DNAH7: variants seen among roughly 807,000 people sequenced by gnomAD.
DNAH7 encodes dynein axonemal heavy chain 7.
DNAH7 carries 397 observed loss-of-function variants against 444.6 expected under a neutral mutation model. The observed-to-expected ratio is 0.89, with a 90% CI of 0.82 to 0.97. The LOEUF (loss-of-function observed/expected upper bound fraction) is 0.97, where lower values mean the gene tolerates loss of function less well. DNAH7 is among the 50% of genes least tolerant of loss of function. The pLI is 0.00. For synonymous variants in DNAH7, 1,636 were observed against 1,624.4 expected (o/e 1.01, Z -0.17); for missense variants, 4,902 against 4,800.8 (o/e 1.02, Z -0.62).
intron 57 of DNAH7, 21 bp downstream of exon 57, chr2:195,794,317 C>G (rs75176325): frequency 0.02 from 32,608 of 1,613,514 alleles, 415 homozygotes; most frequent in Non-Finnish European, 0.025. Flanking sequence ...GCCGAGGTAA[C>G]AAGACTTAAC....
intron 5 of DNAH7, among the ~76,000 whole-genome samples, chr2:196,045,306 G>A (rs10195583): frequency 1.4e-5 from 2 of 146,898 alleles, no homozygotes; most frequent in African/African-American, 2.5e-5. Flanking sequence ...AAAGAAAAAA[G>A]AAAAAAAAGA....
intron 51 of DNAH7, among the ~76,000 whole-genome samples, chr2:195,810,161 G>A (rs1696896761): frequency 6.6e-6 from 1 of 151,884 alleles, no homozygotes; most frequent in Non-Finnish European, 1.5e-5. Flanking sequence ...AAAGTTTACA[G>A]ACTGTTTTTA....
At chr2:195,914,759 G>A (rs931169354) in intron 24 of DNAH7, among the ~76,000 whole-genome samples, 1 of 152,276 alleles carries the variant, frequency 6.6e-6, no homozygotes, top group East Asian at 1.9e-4. Context: ...TGCCTCCTGA[G>A]CTCAAGTGAT....
At chr2:195,919,844 G>A (rs1278579005) in intron 24 of DNAH7, among the ~76,000 whole-genome samples, 1 of 152,128 alleles carries the variant, frequency 6.6e-6, no homozygotes, top group East Asian at 1.9e-4. Context: ...GTGAATTTGG[G>A]AGGTAAAATG....
At position 195,872,370 on chromosome 2, in the gene DNAH7, T is replaced by A; in HGVS notation, c.6513A>T (p.Pro2171=). The A allele has an allele frequency of 6.2e-7, 1 of 1,613,980 alleles. No individual in the cohort carries two copies. The highest frequency in any genetic ancestry group is 8.5e-7 in the Non-Finnish European group (1 of 1,179,878). ...GGTTGAACAAGTAGTGAGATTTAGC[T>A]GGAGTAGGCAAGAGATTCTTCATTG... ...KEAMKNLLPT[P]AKSHYLFNLR... is the part of the protein sequence containing the mutation. The change falls in exon 40 of 65, where the codon CCA becomes CCT. Residue 2171 remains proline, a synonymous_variant. Transcript: ENST00000312428.
intron 62 of DNAH7, 100 bp from the exon 63 acceptor site, chr2:195,754,614 G>A: frequency 4.1e-6 from 5 of 1,222,318 alleles, no homozygotes; most frequent in Middle Eastern, 2.9e-4. Flanking sequence ...GGGCTCAGGT[G>A]ATCCTCTCAC....
intron 12 of DNAH7, 126 bp from the exon 13 acceptor site, chr2:195,988,355 T>A: frequency 1.2e-6 from 1 of 816,288 alleles, no homozygotes; most frequent in Non-Finnish European, 1.8e-6. Flanking sequence ...TTTAACTGTT[T>A]AACCTCTAAT....
chr2:196,064,744 T>C (rs1456626067), intron 1 of DNAH7, among the ~76,000 whole-genome samples: 1 of 152,238 alleles, frequency 6.6e-6, no homozygotes, highest in Non-Finnish European at 1.5e-5. Context: ...TTTTGAAATG[T>C]ATCCCCATTA....
chr2:195,776,533 G>T (rs529196403), intron 59 of DNAH7, among the ~76,000 whole-genome samples: 1 of 152,118 alleles, frequency 6.6e-6, no homozygotes, highest in Admixed American at 6.5e-5. Flanking sequence ...TTAATGGGGG[G>T]GAGGGGAATC....
chr2:196,056,844 A>T (rs1255710643), intron 2 of DNAH7, among the ~76,000 whole-genome samples: 1 of 152,240 alleles, frequency 6.6e-6, no homozygotes, highest in Non-Finnish European at 1.5e-5. Context: ...GGCTAGGAAA[A>T]CATGTAAGTC....
intron 3 of DNAH7, among the ~76,000 whole-genome samples, chr2:196,049,768 C>A (rs746790784): frequency 4.6e-5 from 7 of 152,108 alleles, no homozygotes; most frequent in Non-Finnish European, 1.0e-4. Flanking sequence ...TATGCTTCGC[C>A]CACAAGCAAG....
intron 10 of DNAH7, among the ~76,000 whole-genome samples, chr2:196,007,074 A>T (rs1054091833): frequency 1.2e-4 from 19 of 152,292 alleles, no homozygotes; most frequent in African/African-American, 3.4e-4. Context: ...GGCATTTTTT[A>T]AAAAATGGAC....
In DNAH7 at chr2:195,940,341, C is replaced by T. The variant is rs372684346; in HGVS notation, c.3079-3549G>A. On this transcript the variant is annotated intron_variant, in intron 19 of 64. Coordinates refer to ENST00000312428, the MANE Select transcript of DNAH7 (RefSeq NM_018897.3). ...CCACATGCAGAAAACAGAAACTGGACCCCTTCCTTACACCTTACACAAAAA... is the reference window on the plus strand; with the variant it reads ...CCACATGCAGAAAACAGAAACTGGATCCCTTCCTTACACCTTACACAAAAA... Among the ~76,000 whole-genome samples the T allele has an allele frequency of 1.1e-4, 16 of 152,192 alleles. 1 individual carries two copies. The highest frequency in any genetic ancestry group is 3.9e-4 in the African/African-American group (16 of 41,532).
intron 15 of DNAH7, among the ~76,000 whole-genome samples, chr2:195,977,470 TA>T (rs1261016329): frequency 6.6e-6 from 1 of 151,692 alleles, no homozygotes; most frequent in African/African-American, 2.4e-5. Flanking sequence ...GAAAAAGGGA[TA>T]AAAAAGAATG....
intron 25 of DNAH7, among the ~76,000 whole-genome samples, chr2:195,908,821 A>G (rs1226362547): frequency 2.0e-5 from 3 of 152,148 alleles, no homozygotes; most frequent in Admixed American, 1.3e-4. Context: ...TATAATTTTG[A>G]GCTTTTAAAA....
chr2:196,038,775 T>C (rs1696547890), intron 5 of DNAH7, among the ~76,000 whole-genome samples: 1 of 151,970 alleles, frequency 6.6e-6, no homozygotes, highest in South Asian at 2.1e-4. Context: ...TAAAAAAACA[T>C]AAAAAGAGAT....
At chr2:195,767,414 G>A (rs756376405) in intron 61 of DNAH7, among the ~76,000 whole-genome samples, 48 of 152,026 alleles carry the variant, frequency 3.2e-4, no homozygotes, top group Non-Finnish European at 6.5e-4. Context: ...GTGGGAATCA[G>A]TGTTCCATAT....
intron 15 of DNAH7, among the ~76,000 whole-genome samples, chr2:195,973,486 T>C (rs1286566186): frequency 2.0e-5 from 3 of 152,166 alleles, no homozygotes; most frequent in African/African-American, 7.2e-5. Context: ...TTTTTGTTTT[T>C]TTTGAGATGG....
chr2:195,856,544 T>A (rs1253785904), intron 44 of DNAH7, among the ~76,000 whole-genome samples: 2 of 152,334 alleles, frequency 1.3e-5, no homozygotes, highest in East Asian at 3.9e-4. Flanking sequence ...GTCTGAAACA[T>A]ATATAGCACT....
Sources: allele counts gnomAD v4.1 joint callset (sites outside exome capture counted in the v4.1 genomes callset), GRCh38; gene constraint gnomAD v4.1.1; transcripts MANE v1.5; gene names NCBI Gene and HGNC (gene_info 2026-07-23, HGNC 2026-07-21).